The following PPP1R12A variants were observed in gnomAD, a reference collection of about 807,000 sequenced individuals.
PPP1R12A encodes myosin binding subunit.
In PPP1R12A, 19 loss-of-function variants were observed where a neutral mutation model predicts 139.6. That is an observed-to-expected ratio of 0.14 (90% CI 0.09 to 0.20). The LOEUF (loss-of-function observed/expected upper bound fraction) is 0.20, where lower values mean the gene tolerates loss of function less well. PPP1R12A is among the 10% of genes least tolerant of loss of function. PPP1R12A has a pLI of 1.00. For missense variants in PPP1R12A, 925 were observed against 1,211.5 expected, an observed-to-expected ratio of 0.76 and a Z score of 3.51; for synonymous variants, 427 against 420.6, an observed-to-expected ratio of 1.02 and a Z score of -0.19.
chr12:79,870,174 C>A (rs565737552), intron 2 of PPP1R12A, among the ~76,000 whole-genome samples: 27 of 152,148 alleles, frequency 1.8e-4, no homozygotes, highest in Admixed American at 5.9e-4. Context: ...TCTCAGCTCA[C>A]TGCAACCTCT....
intron 14 of PPP1R12A, among the ~76,000 whole-genome samples, chr12:79,798,901 T>A (rs1872767780): frequency 6.6e-6 from 1 of 152,158 alleles, no homozygotes. Flanking sequence ...TTAAAAATTT[T>A]AGCTCTATTG....
At chr12:79,894,967 T>C (rs1885001258) in intron 1 of PPP1R12A, among the ~76,000 whole-genome samples, 1 of 152,148 alleles carries the variant, frequency 6.6e-6, no homozygotes, top group African/African-American at 2.4e-5. Flanking sequence ...TTGCCAAAAT[T>C]TTTTTTAAAG....
Position 79,934,706 on chromosome 12 carries a change from C to A in PPP1R12A, c.226G>T (p.Ala76Ser), listed in dbSNP as rs1888542422. 6.5e-7 allele frequency: 1 copy of A among 1,542,920 alleles called. No homozygotes were observed. The highest frequency in any genetic ancestry group is 8.8e-7 in the Non-Finnish European group (1 of 1,142,240). The change falls in exon 1 of 25, where the codon GCC (alanine) becomes TCC (serine). Residue 76 changes from alanine (A) to serine (S), a missense_variant. Physicochemically the swap from Ala to Ser is moderately conservative, Grantham distance 99. Around this residue, in one of 4 missense-constraint regions of PPP1R12A, gnomAD observed 199 missense variants for 352.4 expected, o/e 0.56. Transcript: ENST00000450142. ...CGGGGCGCACAGACCTGGTGCAGGG[C>A]AGTGAGTCCGTCCACATTGGCGTAA... is the stretch of plus-strand genomic sequence containing the variant. ...INYANVDGLT[A>S]LHQACIDDNV...
At chr12:79,803,971 T>G (rs1428171005) in intron 14 of PPP1R12A, among the ~76,000 whole-genome samples, 1 of 152,166 alleles carries the variant, frequency 6.6e-6, no homozygotes, top group Non-Finnish European at 1.5e-5. Flanking sequence ...AGACATTTAT[T>G]AGGTTTTGTC....
chr12:79,867,945 G>A (rs572090481), intron 2 of PPP1R12A, among the ~76,000 whole-genome samples: 44 of 152,168 alleles, frequency 2.9e-4, no homozygotes, highest in Non-Finnish European at 5.6e-4. Flanking sequence ...CTGTGGAACT[G>A]TGAGTCAATT....
intron 2 of PPP1R12A, among the ~76,000 whole-genome samples, chr12:79,855,922 TA>T (rs890928941): frequency 2.9e-4 from 42 of 146,534 alleles, no homozygotes; most frequent in African/African-American, 4.2e-4. Flanking sequence ...CTTAGAACAG[TA>T]AAAAAAAAAA....
rs117795277 is a variant in PPP1R12A at position 79,815,571 on chromosome 12, G to A, written c.1239+1823C>T. Among the ~76,000 whole-genome samples, 32 of 151,998 alleles carry A rather than the reference G, an allele frequency of 2.1e-4. No individual in the cohort carries two copies. In the East Asian group the frequency reaches 4.5e-3, roughly 21 times the overall value. Reference sequence around the variant, plus strand: ...CAGTTTCTTGCCTAGGTATTCCAGGGAGATGGAATTTCTGATAACATTATA... The same window carrying A: ...CAGTTTCTTGCCTAGGTATTCCAGGAAGATGGAATTTCTGATAACATTATA... On this transcript the variant is annotated intron_variant, in intron 9 of 24. Coordinates refer to ENST00000450142, the MANE Select transcript of PPP1R12A (RefSeq NM_002480.3).
Position 79,774,477 on chromosome 12 carries a change from C to T in PPP1R12A, c.*1452G>A, listed in dbSNP as rs1869530619. On this transcript the variant is annotated 3_prime_UTR_variant, in exon 25 of 25. Coordinates refer to ENST00000450142, the MANE Select transcript of PPP1R12A (RefSeq NM_002480.3). ...CAGCTACTATAAGCTTTACAATGTA[C>T]AATTTATTCAAATGGCTGAACTGTT... 6.6e-6 allele frequency: 1 copy of T among 152,436 alleles called. No homozygotes were observed. The highest frequency in any genetic ancestry group is 6.5e-5 in the Admixed American group (1 of 15,276). 9.4% of individuals were successfully genotyped at this position (152,436 alleles called of 1,614,324 possible).
At chr12:79,917,021 T>C (rs1325485137) in intron 1 of PPP1R12A, among the ~76,000 whole-genome samples, 3 of 152,148 alleles carry the variant, frequency 2.0e-5, no homozygotes, top group Non-Finnish European at 4.4e-5. Flanking sequence ...TTTTTCCCTA[T>C]GTAAATAACC....
intron 24 of PPP1R12A, among the ~76,000 whole-genome samples, chr12:79,777,907 A>C (rs1869931536): frequency 6.6e-6 from 1 of 152,190 alleles, no homozygotes. Flanking sequence ...ACAATTTAAT[A>C]ATGAAATATC....
chr12:79,852,291 A>G (rs1880141914), intron 2 of PPP1R12A, among the ~76,000 whole-genome samples: 1 of 151,734 alleles, frequency 6.6e-6, no homozygotes, highest in African/African-American at 2.4e-5. Context: ...CCCCAGCTCA[A>G]GTGATCCTCC....
At chr12:79,791,878 A>G (rs528795371) in intron 19 of PPP1R12A, among the ~76,000 whole-genome samples, 3 of 152,324 alleles carry the variant, frequency 2.0e-5, no homozygotes, top group Admixed American at 6.5e-5. Context: ...CCCAAATAAA[A>G]TAAGTGGAAT....
At chr12:79,804,070 T>C (rs1873526425) in intron 14 of PPP1R12A, among the ~76,000 whole-genome samples, 1 of 152,030 alleles carries the variant, frequency 6.6e-6, no homozygotes, top group Admixed American at 6.6e-5. Context: ...AAACACCTCA[T>C]TTAACAGAAG....
intron 4 of PPP1R12A, among the ~76,000 whole-genome samples, chr12:79,831,647 T>C (rs1441702297): frequency 6.6e-6 from 1 of 152,180 alleles, no homozygotes; most frequent in Non-Finnish European, 1.5e-5. Flanking sequence ...GTGCAGTAGA[T>C]TTTGCTAAGT....
Position 79,845,296 on chromosome 12 carries a change from T to G in PPP1R12A, c.487+6A>C, listed in dbSNP as rs1285534725. 1 of 1,594,370 alleles carries G rather than the reference T, an allele frequency of 6.3e-7. No homozygotes were observed. The highest frequency in any genetic ancestry group is 8.6e-7 in the Non-Finnish European group (1 of 1,164,504). On this transcript the variant is annotated splice_donor_region_variant and intron_variant, in intron 3 of 24. Coordinates refer to ENST00000450142, the MANE Select transcript of PPP1R12A (RefSeq NM_002480.3). Reference sequence around the variant, plus strand: ...ATTTTTCCATTTAGGTTGCTTTTTATTTTACCTTGCCGATTAACTTCATTT... The same window carrying G: ...ATTTTTCCATTTAGGTTGCTTTTTAGTTTACCTTGCCGATTAACTTCATTT...
At chr12:79,867,047 T>C (rs1192810281) in intron 2 of PPP1R12A, among the ~76,000 whole-genome samples, 1 of 152,036 alleles carries the variant, frequency 6.6e-6, no homozygotes, top group South Asian at 2.1e-4. Flanking sequence ...CTATTCACAA[T>C]AGAAAAACAC....
chr12:79,810,884 C>CT (rs11399892), intron 9 of PPP1R12A, among the ~76,000 whole-genome samples: 2,387 of 148,956 alleles, frequency 0.016, 21 homozygotes, highest in African/African-American at 0.019. Flanking sequence ...AATTATAATA[C>CT]TTTTTTTTTT....
chr12:79,826,014 C>T (rs1027620334), intron 5 of PPP1R12A, among the ~76,000 whole-genome samples: 1 of 151,702 alleles, frequency 6.6e-6, no homozygotes, highest in Non-Finnish European at 1.5e-5. Context: ...TGTAGCTCCT[C>T]ACTATAAAAA....
At chr12:79,893,172 G>C (rs902428367) in intron 1 of PPP1R12A, among the ~76,000 whole-genome samples, 23 of 151,664 alleles carry the variant, frequency 1.5e-4, no homozygotes, top group African/African-American at 5.6e-4. Context: ...GGAAGATAAA[G>C]GGTGCCCTGA....
Sources: gnomAD v4.1 joint callset for allele counts (sites outside exome capture counted in the v4.1 genomes callset) on GRCh38, gnomAD v4.1.1 for gene constraint, gnomAD v4.1.1 regional missense constraint, MANE v1.5 for transcripts, NCBI Gene and HGNC (gene_info 2026-07-23, HGNC 2026-07-21) for gene names.